The following NOTCH1 variants were observed in gnomAD, a reference collection of about 807,000 sequenced individuals.
The protein encoded by NOTCH1 is notch receptor 1.
Under a neutral mutation model 254.8 loss-of-function variants are expected in NOTCH1, and 37 were observed. That is an observed-to-expected ratio of 0.15 (90% CI 0.11 to 0.19). NOTCH1 has a LOEUF of 0.19. NOTCH1 is among the 10% of genes least tolerant of loss of function. The pLI, the probability that NOTCH1 is intolerant of heterozygous loss-of-function variation, is 1.00. For synonymous variants in NOTCH1, 1,731 were observed against 1,618.1 expected (o/e 1.07, Z -1.68); for missense variants, 2,972 against 3,708.6 (o/e 0.80, Z 5.16).
chr9:136,504,256 C>G (rs12343931), intron 26 of NOTCH1, among the ~76,000 whole-genome samples: 2,915 of 152,322 alleles, frequency 0.019, 95 homozygotes, highest in African/African-American at 0.067. Flanking sequence ...AGACTGGTCT[C>G]GAACTCCTGG....
intron 31 of NOTCH1, among the ~76,000 whole-genome samples, 161 bp downstream of exon 31, chr9:136,500,391 G>C (rs796657757): frequency 1.3e-5 from 2 of 152,190 alleles, no homozygotes; most frequent in African/African-American, 4.8e-5. Flanking sequence ...CCTCCCCCTC[G>C]CACCTCGCTG....
chr9:136,537,640 T>C (rs183360847), intron 2 of NOTCH1, among the ~76,000 whole-genome samples: 4 of 152,084 alleles, frequency 2.6e-5, no homozygotes, highest in Non-Finnish European at 5.9e-5. Context: ...TGCAAAAAAA[T>C]TTAAAATTAG....
intron 17 of NOTCH1, chr9:136,510,368 G>A (rs554204365): frequency 3.1e-5 from 18 of 580,430 alleles, no homozygotes. Context: ...GATGAGCCAG[G>A]CGGGAGTGCA....
chr9:136,495,997 C>T lies in NOTCH1; in HGVS notation c.*74G>A. 6.6e-7 allele frequency: 1 copy of T among 1,506,362 alleles called. No homozygotes were observed. Among genetic ancestry groups the T allele is most frequent in the Middle Eastern group, 1.9e-4 (1 of 5,388 alleles). 93.3% of individuals were successfully genotyped at this position (1,506,362 alleles called of 1,614,324 possible). On this transcript the variant is annotated 3_prime_UTR_variant, in exon 34 of 34. Transcript: ENST00000651671. Reference sequence around the variant, plus strand: ...TTTTAAAAAGGCTCCTCTGGTCGGCCCTGGCATCCACAGAGCGCACACAGA... The same window carrying T: ...TTTTAAAAAGGCTCCTCTGGTCGGCTCTGGCATCCACAGAGCGCACACAGA...
At position 136,504,527 on chromosome 9, in the gene NOTCH1, C is replaced by T. The variant is rs1843046021; in HGVS notation, c.5018+146G>A. On this transcript the variant is annotated intron_variant, in intron 26 of 33. Coordinates refer to ENST00000651671, the MANE Select transcript of NOTCH1 (RefSeq NM_017617.5). ...CTTGCCTGCGCAGGCCCTGAAGTCC[C>T]AGGTCCTCTCGGAACCTCCGTCTCT... 7 of 916,258 alleles carry T rather than the reference C, an allele frequency of 7.6e-6. No homozygotes were observed. In the East Asian group the frequency reaches 1.6e-4, roughly 21 times the overall value. 56.8% of individuals were successfully genotyped at this position (916,258 alleles called of 1,614,324 possible).
At position 136,513,479 on chromosome 9, in the gene NOTCH1, CATT is replaced by C. The variant is rs587778559; in HGVS notation, c.2263_2265del (p.Asn755del). 3.2e-4 allele frequency: 514 copies of C among 1,613,244 alleles called. 2 individuals are homozygous for C. The highest frequency in any genetic ancestry group is 3.7e-4 in the Non-Finnish European group (441 of 1,179,986). ...TTGACACAAGGGTTGGATTCACACT[CATT>C]GTTGTTGATGTCACAGTTGGTCCCA... On this transcript the variant is annotated inframe_deletion, in exon 14 of 34. Transcript: ENST00000651671. This position sits in a 1 kb window ranked among gnomAD's most constrained non-coding sequence, Gnocchi z 4.7.
intron 9 of NOTCH1, 133 bp downstream of exon 9, chr9:136,517,138 TG>T: frequency 2.4e-6 from 1 of 408,308 alleles, no homozygotes; most frequent in Admixed American, 4.3e-5. Flanking sequence ...GGGCAGGGGG[TG>T]GGGGCGGCCC....
At position 136,518,222 on chromosome 9, in the gene NOTCH1, G is replaced by A. The variant is rs767889825; in HGVS notation, c.1170C>T (p.Asn390=). Residue 390 remains asparagine, a synonymous_variant, in exon 7 of 34, where the codon AAC becomes AAT. Transcript: ENST00000651671. ...TGCAGATGGCCTTGCCATTGACAGG[G>A]TTGGTGTCGCAGTTGGAGCCCTCGT... ...PCNEGSNCDT[N]PVNGKAICTC... is the part of the protein sequence containing the mutation. 1 of 1,609,610 alleles carries A rather than the reference G, an allele frequency of 6.2e-7. No homozygotes were observed. The highest frequency in any genetic ancestry group is 1.7e-5 in the Admixed American group (1 of 59,584).
chr9:136,533,996 C>T (rs1485693616), intron 2 of NOTCH1, among the ~76,000 whole-genome samples: 5 of 152,310 alleles, frequency 3.3e-5, no homozygotes, highest in East Asian at 1.9e-4. Flanking sequence ...AACCCCACTA[C>T]GGGGAAGAGG....
In NOTCH1 at chr9:136,496,897, C is replaced by T. The variant is rs2133317053; in HGVS notation, c.6842G>A (p.Gly2281Asp). The T allele has an allele frequency of 1.2e-6, 2 of 1,612,780 alleles. No homozygotes were observed. Among genetic ancestry groups the T allele is most frequent in the Non-Finnish European group, 1.7e-6 (2 of 1,179,978 alleles). The part of the protein sequence containing the change: ...PRLSHLPVAS[G>D]TSTVLGSSSG... ...GCTGGAGCCCAGGACGGTGCTGGTGCCAGAGGCCACAGGCAGGTGGGAGAG... is the reference window on the plus strand; with the variant it reads ...GCTGGAGCCCAGGACGGTGCTGGTGTCAGAGGCCACAGGCAGGTGGGAGAG... Residue 2281 changes from glycine (G) to aspartate (D), a missense_variant, in exon 34 of 34, where the codon GGC (glycine) becomes GAC (aspartate). Transcript: ENST00000651671.
At position 136,517,786 on chromosome 9, in the gene NOTCH1, G is replaced by A. The variant is rs1405995623; in HGVS notation, c.1407C>T (p.Asp469=). 2.5e-6 allele frequency: 4 copies of A among 1,612,608 alleles called. No individual in the cohort carries two copies. Among genetic ancestry groups the A allele is most frequent in the Admixed American group, 3.3e-5 (2 of 60,000 alleles). ...NPCQNDATCL[D]QIGEFQCICM... ...AGATGCACTGGAACTCCCCAATCTG[G>A]TCCAGGCAGGTGGCGTCGTTCTGGC... The change falls in exon 8 of 34, where the codon GAC becomes GAT. Residue 469 remains aspartate, a synonymous_variant. Transcript: ENST00000651671.
At chr9:136,500,445 G>T in intron 31 of NOTCH1, 107 bp downstream of exon 31, 1 of 1,394,196 alleles carries the variant, frequency 7.2e-7, no homozygotes, top group Non-Finnish European at 1.0e-6. Context: ...CCCGGACTCA[G>T]CTGTGCTCGG....
At chr9:136,510,172 C>T (rs1589062276) in intron 17 of NOTCH1, among the ~76,000 whole-genome samples, 1 of 152,336 alleles carries the variant, frequency 6.6e-6, no homozygotes. Flanking sequence ...CTCTCCCCAC[C>T]TGCTCCTGTC....
intron 16 of NOTCH1, 60 bp downstream of exon 16, chr9:136,511,092 G>C (rs1843174206): frequency 1.2e-6 from 2 of 1,611,166 alleles, no homozygotes; most frequent in Non-Finnish European, 8.5e-7. Flanking sequence ...GGAGCTGCCT[G>C]TGTCCCGCAG....
rs371050668 is a variant in NOTCH1, at chr9:136,510,763, G to A, written c.2630C>T (p.Pro877Leu). 11 of 1,610,368 alleles carry A rather than the reference G, an allele frequency of 6.8e-6. No individual in the cohort carries two copies. Among genetic ancestry groups the A allele is most frequent in the South Asian group, 3.3e-5 (3 of 91,086 alleles). ...EVDINECVLSPCRHGASCQNT... is the reference protein window; with the variant it reads ...EVDINECVLSLCRHGASCQNT... ...CTGGCAGGATGCGCCGTGCCGGCAC[G>A]GGCTCAGAACGCACTCGTTGATGTC... Residue 877 changes from proline (P) to leucine (L), a missense_variant, in exon 17 of 34, where the codon CCG becomes CTG. By Grantham distance (98) the Pro-to-Leu change is moderately conservative (BLOSUM62 -3). This residue lies in a region of NOTCH1 where 1,343 missense variants were observed against 1,557.0 expected (regional missense o/e 0.86). Coordinates refer to ENST00000651671, the MANE Select transcript of NOTCH1 (RefSeq NM_017617.5).
rs1196509879 is a variant in NOTCH1, at chr9:136,499,204, G to A, written c.5990C>T (p.Thr1997Met). Residue 1997 changes from threonine to methionine, a missense_variant, in exon 32 of 34, where the codon ACG becomes ATG. Around this residue, in one of 8 missense-constraint regions of NOTCH1, gnomAD observed 421 missense variants for 604.4 expected, o/e 0.70. Coordinates refer to ENST00000651671, the MANE Select transcript of NOTCH1 (RefSeq NM_017617.5). Reference protein sequence around the residue: ...DLDARMHDGTTPLILAARLAV... With the variant: ...DLDARMHDGTMPLILAARLAV... ...CAGGCGGGCAGCCAGGATCAGTGGC[G>A]TCGTGCCATCATGCATGCGGGCATC... 7.4e-6 allele frequency: 12 copies of A among 1,613,350 alleles called. No homozygotes were observed. Among genetic ancestry groups the A allele is most frequent in the Non-Finnish European group, 5.1e-6 (6 of 1,180,010 alleles).
Position 136,535,645 on chromosome 9 carries a change from T to TC in NOTCH1, c.140+8378dup, listed in dbSNP as rs371050637. Among the ~76,000 whole-genome samples the TC allele has an allele frequency of 7.4e-3, 8 of 1,080 alleles. 3 individuals carry two copies. The highest frequency in any genetic ancestry group is 0.043 in the Admixed American group (4 of 92). The allele number at this position is 1,080 out of a possible 152,430, so 0.7% of individuals were successfully genotyped here. A position where few individuals can be genotyped will look rare whatever the true frequency, so the allele number is the denominator to read the frequency against. On this transcript the variant is annotated intron_variant, in intron 2 of 33. Coordinates refer to ENST00000651671, the MANE Select transcript of NOTCH1 (RefSeq NM_017617.5). Reference sequence around the variant, plus strand: ...TGGAGAGGGGAGCACTCAGGATCCCTCCTGGGGCAATGGGTGCAGGGTGGG... The same window carrying TC: ...TGGAGAGGGGAGCACTCAGGATCCCTCCCTGGGGCAATGGGTGCAGGGTGGG...
chr9:136,497,587 G>T lies in NOTCH1; in HGVS notation c.6181-29C>A, dbSNP rs775897240. On this transcript the variant is annotated intron_variant, in intron 33 of 33. Transcript: ENST00000651671. ...GGGGATGAGGGCGGGGGCCGGTGAG[G>T]GGGGCCAGGCCAGGCGTGGGGACCC... 3 of 1,540,972 alleles carry T rather than the reference G, an allele frequency of 1.9e-6. No homozygotes were observed. In the South Asian group the frequency reaches 3.6e-5, roughly 18 times the overall value.
intron 16 of NOTCH1, 29 bp from the exon 17 acceptor site, chr9:136,510,834 AC>A (rs1159722331): frequency 2.5e-6 from 4 of 1,604,636 alleles, no homozygotes; most frequent in Non-Finnish European, 3.4e-6. Context: ...CCGGTTGGTC[AC>A]CAGCGGCCCC....
Sources: gnomAD v4.1 joint callset for allele counts (sites outside exome capture counted in the v4.1 genomes callset) on GRCh38, gnomAD v4.1.1 for gene constraint, gnomAD v4.1.1 regional missense constraint, Gnocchi (gnomAD v3.1) non-coding constraint, MANE v1.5 for transcripts, NCBI Gene and HGNC (gene_info 2026-07-23, HGNC 2026-07-21) for gene names.